UNC13C: variants seen among roughly 807,000 people sequenced by gnomAD.
UNC13C encodes protein unc-13 homolog C.
In UNC13C, 174 loss-of-function variants were observed where a neutral mutation model predicts 245.4. The ratio of observed to expected loss-of-function variants is 0.71; its 90% confidence interval spans 0.63 to 0.80. UNC13C has a LOEUF of 0.80. UNC13C is among the 30% of genes least tolerant of loss of function. UNC13C has a pLI of 0.00. For missense variants in UNC13C, 2,829 were observed against 2,602.9 expected, an observed-to-expected ratio of 1.09 and a Z score of -1.89; for synonymous variants, 992 against 895.1, an observed-to-expected ratio of 1.11 and a Z score of -1.93.
chr15:54,610,274 C>T (rs561097558), intron 30 of UNC13C, among the ~76,000 whole-genome samples: 56 of 152,060 alleles, frequency 3.7e-4, no homozygotes, highest in South Asian at 1.0e-3. Flanking sequence ...CTTGCTCTGT[C>T]GCCCAGGCAG....
chr15:54,174,067 T>C (rs2033519351), intron 4 of UNC13C, among the ~76,000 whole-genome samples: 1 of 152,166 alleles, frequency 6.6e-6, no homozygotes, highest in Non-Finnish European at 1.5e-5. Context: ...ATATTTCCCT[T>C]TTTATCTGTT....
chr15:54,217,949 C>T (rs929794647), intron 4 of UNC13C, among the ~76,000 whole-genome samples: 5 of 151,958 alleles, frequency 3.3e-5, no homozygotes, highest in Non-Finnish European at 5.9e-5. Context: ...TCACATCCCT[C>T]TAATGTCAAG....
intron 19 of UNC13C, among the ~76,000 whole-genome samples, chr15:54,472,200 G>A (rs1157003378): frequency 6.6e-6 from 1 of 151,642 alleles, no homozygotes; most frequent in Non-Finnish European, 1.5e-5. Context: ...ATTTTAAGCT[G>A]ATAATCACCC....
intron 17 of UNC13C, among the ~76,000 whole-genome samples, chr15:54,366,897 T>C (rs2039377855): frequency 6.6e-6 from 1 of 152,136 alleles, no homozygotes; most frequent in African/African-American, 2.4e-5. Context: ...AACATCCCTG[T>C]TACAGCACAG....
intron 2 of UNC13C, among the ~76,000 whole-genome samples, chr15:54,026,135 G>A (rs1018104771): frequency 1.3e-5 from 2 of 152,136 alleles, no homozygotes; most frequent in African/African-American, 2.4e-5. Flanking sequence ...GGAAATTCTC[G>A]AGCTGATCAA....
At position 54,296,976 on chromosome 15, in the gene UNC13C, A is replaced by C. The variant is rs138664776; in HGVS notation, c.3989-835A>C. 2.3e-3 allele frequency among the ~76,000 whole-genome samples: 350 copies of C among 152,324 alleles called. 3 individuals carry two copies. The highest frequency in any genetic ancestry group is 8.2e-3 in the African/African-American group (341 of 41,576). The stretch of plus-strand genomic sequence containing the variant: ...ATTGACTATATGTTGTTTCCATTCA[A>C]ATAAACAGTCCAGCACTTATAAGTT... On this transcript the variant is annotated intron_variant, in intron 11 of 32. Transcript: ENST00000260323.
intron 2 of UNC13C, among the ~76,000 whole-genome samples, chr15:54,104,153 G>T (rs531058001): frequency 6.6e-6 from 1 of 152,324 alleles, no homozygotes; most frequent in South Asian, 2.1e-4. Flanking sequence ...GATACTTGCT[G>T]TACCTGCTTC....
intron 4 of UNC13C, among the ~76,000 whole-genome samples, chr15:54,185,240 G>T (rs1050020771): frequency 5.9e-4 from 89 of 151,760 alleles, no homozygotes; most frequent in Non-Finnish European, 1.2e-3. Context: ...CTCTGATGGT[G>T]GTTTCTTTTG....
intron 2 of UNC13C, among the ~76,000 whole-genome samples, chr15:54,124,999 C>A (rs2030938776): frequency 6.6e-6 from 1 of 152,116 alleles, no homozygotes; most frequent in Admixed American, 6.5e-5. Flanking sequence ...AATCTAAATG[C>A]CATTCCATTT....
At chr15:54,408,311 G>C (rs935288387) in intron 18 of UNC13C, among the ~76,000 whole-genome samples, 1 of 145,848 alleles carries the variant, frequency 6.9e-6, no homozygotes, top group Non-Finnish European at 1.5e-5. Context: ...AATCTCTAAC[G>C]TTACTAAGTC....
intron 4 of UNC13C, among the ~76,000 whole-genome samples, chr15:54,182,016 T>C (rs2033817689): frequency 6.6e-6 from 1 of 151,464 alleles, no homozygotes; most frequent in Non-Finnish European, 1.5e-5. Context: ...CCTATTTTAT[T>C]GCCTTTTATT....
chr15:54,266,381 G>A (rs1285743043), intron 10 of UNC13C, among the ~76,000 whole-genome samples: 1 of 152,004 alleles, frequency 6.6e-6, no homozygotes, highest in Non-Finnish European at 1.5e-5. Flanking sequence ...CAGAGTTCTG[G>A]GAGAGATTAG....
At position 54,147,365 on chromosome 15, in the gene UNC13C, G is replaced by A. The variant is rs544971641; in HGVS notation, c.3071+3681G>A. ...CTCCTGAGTAGCTGGGACTACAGGC[G>A]CCCTCCACCACGCCCGGCCATTTTT... On this transcript the variant is annotated intron_variant, in intron 4 of 32. Coordinates refer to ENST00000260323, the MANE Select transcript of UNC13C (RefSeq NM_001080534.3). 2.7e-4 allele frequency among the ~76,000 whole-genome samples: 41 copies of A among 151,842 alleles called. No homozygotes were observed. In the South Asian group the frequency reaches 2.9e-3, roughly 11 times the overall value.
intron 4 of UNC13C, among the ~76,000 whole-genome samples, chr15:54,146,918 T>A (rs1291373537): frequency 2.0e-5 from 3 of 152,120 alleles, no homozygotes; most frequent in Non-Finnish European, 4.4e-5. Context: ...AAGCCTGAAA[T>A]TGACTATAAT....
chr15:54,001,615 T>C (rs1894891608), intron 1 of UNC13C, among the ~76,000 whole-genome samples: 1 of 152,156 alleles, frequency 6.6e-6, no homozygotes, highest in Non-Finnish European at 1.5e-5. Flanking sequence ...TCGTATTATT[T>C]AATAATAATG....
chr15:53,992,350 C>T (rs939244335), intron 1 of UNC13C, among the ~76,000 whole-genome samples: 3 of 152,022 alleles, frequency 2.0e-5, no homozygotes, highest in East Asian at 1.9e-4. Context: ...TGCCATTTCT[C>T]AGCTGGAGAA....
the UNC13C span, among the ~76,000 whole-genome samples, chr15:53,929,018 A>T: frequency 3.9e-5 from 6 of 152,200 alleles, no homozygotes; most frequent in African/African-American, 9.6e-5. Context: ...GTCTGTTCTC[A>T]TGCTGGTAAT....
At chr15:54,019,503 T>C (rs915863755) in intron 2 of UNC13C, among the ~76,000 whole-genome samples, 2 of 152,238 alleles carry the variant, frequency 1.3e-5, no homozygotes, top group African/African-American at 2.4e-5. Context: ...CAATAAATAC[T>C]GTACTATAAC....
the UNC13C span, among the ~76,000 whole-genome samples, chr15:53,868,069 A>G: frequency 6.6e-6 from 1 of 152,194 alleles, no homozygotes; most frequent in Non-Finnish European, 1.5e-5. Context: ...TCCTGGGCTC[A>G]AGCGATCTTT....
Sources: allele counts gnomAD v4.1 joint callset (sites outside exome capture counted in the v4.1 genomes callset), GRCh38; gene constraint gnomAD v4.1.1; transcripts MANE v1.5; gene names NCBI Gene and HGNC (gene_info 2026-07-23, HGNC 2026-07-21).